The following CTNNA3 variants were observed in gnomAD, a reference collection of about 807,000 sequenced individuals.
The protein encoded by CTNNA3 is catenin alpha 3.
CTNNA3 carries 76 observed loss-of-function variants against 95.7 expected under a neutral mutation model. The observed-to-expected ratio is 0.79, with a 90% CI of 0.66 to 0.96. The LOEUF is 0.96. Among genes scored for constraint, CTNNA3 ranks in the 40% least tolerant of loss-of-function variants. The pLI is 0.00. For missense variants in CTNNA3, 1,191 were observed against 1,089.8 expected (o/e 1.09, Z -1.31); for synonymous variants, 431 against 374.4 (o/e 1.15, Z -1.74).
upstream of CTNNA3, among the ~76,000 whole-genome samples, chr10:67,698,881 C>T (rs1191577258): frequency 6.6e-6 from 1 of 151,962 alleles, no homozygotes. Flanking sequence ...TCTCCCTTCC[C>T]AACCATCCTT....
At chr10:67,100,850 T>C (rs1040692370) in intron 7 of CTNNA3, among the ~76,000 whole-genome samples, 1 of 151,714 alleles carries the variant, frequency 6.6e-6, no homozygotes, top group Non-Finnish European at 1.5e-5. Flanking sequence ...ATTGGTGCAG[T>C]TGAATTATTC....
intron 6 of CTNNA3, among the ~76,000 whole-genome samples, chr10:67,185,070 A>T (rs1383129221): frequency 6.6e-6 from 1 of 152,120 alleles, no homozygotes. Flanking sequence ...TAAATATCTT[A>T]AAAGCATGCA....
intron 1 of CTNNA3, among the ~76,000 whole-genome samples, chr10:67,717,556 AC>A (rs1452358608): frequency 6.6e-6 from 1 of 152,052 alleles, no homozygotes; most frequent in East Asian, 1.9e-4. Flanking sequence ...TTTTCCCAAC[AC>A]CATTTATTAA....
rs185839477 is a variant in CTNNA3, at chr10:67,436,791, A to C, written c.579+85051T>G. Among the ~76,000 whole-genome samples the C allele has an allele frequency of 5.9e-4, 90 of 152,284 alleles. 1 individual carries two copies. Among genetic ancestry groups the C allele is most frequent in the African/African-American group, 1.6e-3 (68 of 41,568 alleles). On this transcript the variant is annotated intron_variant, in intron 5 of 17. Coordinates refer to ENST00000433211, the MANE Select transcript of CTNNA3 (RefSeq NM_013266.4). ...CAAGGCAATACCATCTTACTCCTGCAAGAATGGCCATAAGCAAAAAATCAA... is the reference window on the plus strand; with the variant it reads ...CAAGGCAATACCATCTTACTCCTGCCAGAATGGCCATAAGCAAAAAATCAA...
At chr10:66,636,444 T>C (rs1421601498) in intron 9 of CTNNA3, among the ~76,000 whole-genome samples, 2 of 152,020 alleles carry the variant, frequency 1.3e-5, no homozygotes, top group Non-Finnish European at 2.9e-5. Context: ...TTATGGTTCC[T>C]AGTAGTTCTA....
chr10:66,182,317 G>A (rs1302061764), intron 13 of CTNNA3, among the ~76,000 whole-genome samples: 4 of 150,284 alleles, frequency 2.7e-5, no homozygotes, highest in Non-Finnish European at 5.9e-5. Context: ...GTGCAGTGGC[G>A]CGATCTTGGC....
In CTNNA3 at chr10:67,711,568, A is replaced by AATTTATTTATTTATTT. The variant is rs572590258; in HGVS notation, c.-2+51850_-2+51865dup. ...ATGATTTAGGGTATCTGGCAGAAGA[A>AATTTATTTATTTATTT]ATTTATTTATTTATTTATTTATTTT... On this transcript the variant is annotated intron_variant, in intron 1 of 17. Coordinates refer to the CTNNA3 transcript ENST00000684154. Among the ~76,000 whole-genome samples, 33 of 134,074 alleles carry AATTTATTTATTTATTT rather than the reference A, an allele frequency of 2.5e-4. No homozygotes were observed. In the East Asian group the frequency reaches 5.1e-3, roughly 21 times the overall value. The allele number at this position is 134,074 out of a possible 152,430, so 88.0% of individuals were successfully genotyped here.
chr10:67,599,291 T>C (rs1843011385), intron 3 of CTNNA3, among the ~76,000 whole-genome samples: 1 of 152,168 alleles, frequency 6.6e-6, no homozygotes. Context: ...ATCTCTACCA[T>C]TTCACCCAAA....
rs569527382 is a variant in CTNNA3, at chr10:66,668,505, A to G, written c.1282-46721T>C. Among the ~76,000 whole-genome samples, 43 of 152,036 alleles carry G rather than the reference A, an allele frequency of 2.8e-4. No homozygotes were observed. In the East Asian group the frequency reaches 7.9e-3, roughly 28 times the overall value. On this transcript the variant is annotated intron_variant, in intron 9 of 17. Transcript: ENST00000433211. ...TACATACACATATATATTCAAAGAT[A>G]TATAATCTTATATATAAAATATATT...
At chr10:65,958,961 C>G (rs1024151445) in intron 17 of CTNNA3, among the ~76,000 whole-genome samples, 37 of 152,212 alleles carry the variant, frequency 2.4e-4, no homozygotes, top group African/African-American at 8.7e-4. Flanking sequence ...TTTCTGCTGC[C>G]TTTTGTTCAG....
At chr10:66,028,626 A>G (rs67925426) in intron 15 of CTNNA3, among the ~76,000 whole-genome samples, 47,029 of 149,876 alleles carry the variant, frequency 0.31, 7,411 homozygotes, top group South Asian at 0.4. Flanking sequence ...GGATAGCATT[A>G]GGAGATATAC....
chr10:66,761,217 A>C (rs1333689798), intron 9 of CTNNA3, among the ~76,000 whole-genome samples: 2 of 152,124 alleles, frequency 1.3e-5, no homozygotes, highest in East Asian at 3.9e-4. Context: ...GGCTTTGCTA[A>C]ATAGGGCTCA....
intron 13 of CTNNA3, among the ~76,000 whole-genome samples, chr10:66,235,194 G>A (rs925837951): frequency 3.3e-5 from 5 of 151,998 alleles, no homozygotes; most frequent in East Asian, 1.9e-4. Context: ...AATAAATATC[G>A]TTGTTTTAAA....
At chr10:67,344,623 C>A (rs1589192698) in intron 5 of CTNNA3, among the ~76,000 whole-genome samples, 1 of 151,848 alleles carries the variant, frequency 6.6e-6, no homozygotes, top group South Asian at 2.1e-4. Flanking sequence ...GATTGTTTCA[C>A]CTTATTAGCT....
intron 5 of CTNNA3, among the ~76,000 whole-genome samples, chr10:67,511,606 AT>A (rs1839631485): frequency 6.6e-6 from 1 of 152,198 alleles, no homozygotes; most frequent in Admixed American, 6.5e-5. Context: ...CCAGTATTTT[AT>A]TGAGGATTTT....
chr10:65,982,600 C>T (rs1424002534), intron 16 of CTNNA3, among the ~76,000 whole-genome samples: 1 of 150,018 alleles, frequency 6.7e-6, no homozygotes, highest in African/African-American at 2.4e-5. Flanking sequence ...GGAATCAGCC[C>T]AAATGCCCAT....
intron 12 of CTNNA3, among the ~76,000 whole-genome samples, chr10:66,333,564 T>C (rs1313645578): frequency 6.6e-6 from 1 of 152,144 alleles, no homozygotes. Context: ...AATGCTGAGT[T>C]CGAGTTTGAT....
rs565666837 is a variant in CTNNA3 at position 67,554,185 on chromosome 10, G to C, written c.293-14516C>G. Among the ~76,000 whole-genome samples the C allele has an allele frequency of 2.0e-5, 3 of 152,282 alleles. No homozygotes were observed. In the East Asian group the frequency reaches 5.8e-4, roughly 29 times the overall value. ...TGTTGGACATTTGGGTTGGTTTCAA[G>C]TCTTTGCTATTGTGAATAGTGCCAC... On this transcript the variant is annotated intron_variant, in intron 3 of 17. Coordinates refer to ENST00000433211, the MANE Select transcript of CTNNA3 (RefSeq NM_013266.4).
chr10:66,430,466 C>T (rs2093284492), intron 11 of CTNNA3, among the ~76,000 whole-genome samples: 1 of 152,150 alleles, frequency 6.6e-6, no homozygotes, highest in Admixed American at 6.5e-5. Context: ...GCCAAAAGAA[C>T]AAAGCTGGAG....
Sources: allele counts gnomAD v4.1 joint callset (sites outside exome capture counted in the v4.1 genomes callset), GRCh38; gene constraint gnomAD v4.1.1; transcripts MANE v1.5; gene names NCBI Gene and HGNC (gene_info 2026-07-23, HGNC 2026-07-21).